TMEM222: variants seen among roughly 807,000 people sequenced by gnomAD.
The protein encoded by TMEM222 is transmembrane protein 222, also known as chromosome 1 open reading frame 160.
A neutral mutation model predicts 25.1 loss-of-function variants in TMEM222; 18 were observed. The observed-to-expected ratio is 0.72, with a 90% CI of 0.50 to 1.06. The LOEUF (loss-of-function observed/expected upper bound fraction) is 1.06. Ranked by LOEUF, TMEM222 falls within the 50% of genes least tolerant of loss-of-function variation. The pLI is 0.00. For missense variants in TMEM222, 296 were observed against 293.7 expected (o/e 1.01, Z -0.06); for synonymous variants, 131 against 117.9 (o/e 1.11, Z -0.72).
At chr1:27,334,111 C>A (rs374713027) in intron 4 of TMEM222, 40 bp from the exon 5 acceptor site, 34 of 1,613,980 alleles carry the variant, frequency 2.1e-5, no homozygotes, top group Non-Finnish European at 2.8e-5. Context: ...GGGGAGGCTC[C>A]CCTGCAGCCC....
At chr1:27,322,852 C>T (rs1241820043) in intron 1 of TMEM222, among the ~76,000 whole-genome samples, 1 of 151,952 alleles carries the variant, frequency 6.6e-6, no homozygotes, top group East Asian at 1.9e-4. Flanking sequence ...TTGGAAGGGC[C>T]CCCAGAGATC....
At chr1:27,332,242 C>T in intron 3 of TMEM222, 141 bp downstream of exon 3, 1 of 976,784 alleles carries the variant, frequency 1.0e-6, no homozygotes, top group Non-Finnish European at 1.6e-6. Flanking sequence ...CCAGGGTCCA[C>T]CAGAGCATGG....
In TMEM222 at chr1:27,334,242, C is replaced by T. The variant is rs771122398; in HGVS notation, c.500C>T (p.Thr167Met). The T allele has an allele frequency of 1.5e-5, 25 of 1,614,120 alleles. No homozygotes were observed. Among genetic ancestry groups the T allele is most frequent in the South Asian group, 4.4e-5 (4 of 91,096 alleles). ...AACAGCACCAACTGGAATATGGTGA[C>T]GCTCTGCTTCTTCTGCCTGCTCTAC... The part of the protein sequence containing the change: ...YNNSTNWNMV[T>M]LCFFCLLYGK... The change falls in exon 5 of 6, where the codon ACG becomes ATG. Residue 167 changes from threonine (T) to methionine (M), a missense_variant. Transcript: ENST00000374076.
intron 1 of TMEM222, among the ~76,000 whole-genome samples, chr1:27,329,377 C>A (rs1402555873): frequency 6.6e-6 from 1 of 152,112 alleles, no homozygotes; most frequent in Non-Finnish European, 1.5e-5. Context: ...TTGTGCCCTC[C>A]CAGTCAGTTC....
At chr1:27,334,834 T>C (rs1450247642) in intron 5 of TMEM222, 19 of 1,082,818 alleles carry the variant, frequency 1.8e-5, no homozygotes, top group Non-Finnish European at 2.2e-5. Flanking sequence ...AGAAGACTTT[T>C]AGGGATATTT....
intron 3 of TMEM222, chr1:27,332,507 T>G (rs2014505552): frequency 2.8e-6 from 2 of 718,070 alleles, no homozygotes; most frequent in South Asian, 3.0e-5. Context: ...AGGCATTGTT[T>G]GGAGCTCTGC....
rs1027270432 is a variant in TMEM222 at position 27,334,879 on chromosome 1, A to G, written c.540-500A>G. On this transcript the variant is annotated intron_variant, in intron 5 of 5. Transcript: ENST00000374076. Reference sequence around the variant, plus strand: ...GCATGGCTTTTAGAAGTCCCCTGAGAATAACTGGTCACACAGAGGTTGAAC... The same window carrying G: ...GCATGGCTTTTAGAAGTCCCCTGAGGATAACTGGTCACACAGAGGTTGAAC... 6 of 1,005,810 alleles carry G rather than the reference A, an allele frequency of 6.0e-6. No homozygotes were observed. The African/African-American group carries it at 6.8e-5, about 11-fold the overall frequency. 62.3% of individuals were successfully genotyped at this position (1,005,810 alleles called of 1,614,324 possible). A position where few individuals can be genotyped will look rare whatever the true frequency, so the allele number is the denominator to read the frequency against.
At chr1:27,325,640 C>T in intron 1 of TMEM222, 1 of 855,786 alleles carries the variant, frequency 1.2e-6, no homozygotes, top group Non-Finnish European at 2.0e-6. Flanking sequence ...CATCCAGCAC[C>T]ATGAAGATCA....
chr1:27,323,290 A>G (rs1209678463), intron 1 of TMEM222, among the ~76,000 whole-genome samples: 1 of 152,196 alleles, frequency 6.6e-6, no homozygotes, highest in Admixed American at 6.5e-5. Flanking sequence ...ACTACATCTT[A>G]TCCACTCTCA....
At chr1:27,332,035 G>T (rs1315956045) in intron 2 of TMEM222, 35 bp from the exon 3 acceptor site, 1 of 1,613,982 alleles carries the variant, frequency 6.2e-7, no homozygotes, top group Non-Finnish European at 8.5e-7. Flanking sequence ...CCAAATGTAA[G>T]TTCCTCACTG....
chr1:27,332,771 CCT>C (rs2014511369), intron 3 of TMEM222: 5 of 522,106 alleles, frequency 9.6e-6, no homozygotes, highest in South Asian at 8.7e-5. Context: ...TTCCTGCTGC[CCT>C]CTCTGGCTTC....
rs17162543 is a variant in TMEM222, at chr1:27,329,114, A to G, written c.195-1606A>G. 8.9e-3 allele frequency among the ~76,000 whole-genome samples: 1,350 copies of G among 151,872 alleles called. 23 individuals carry two copies. Among genetic ancestry groups the G allele is most frequent in the African/African-American group, 0.03 (1,252 of 41,398 alleles). ...TGGCATACACCATGCTTCTGTTCCAATTTCTACCCTTGCACATTCTGTTTC... is the reference window on the plus strand; with the variant it reads ...TGGCATACACCATGCTTCTGTTCCAGTTTCTACCCTTGCACATTCTGTTTC... On this transcript the variant is annotated intron_variant, in intron 1 of 5. Coordinates refer to ENST00000374076, the MANE Select transcript of TMEM222 (RefSeq NM_032125.3).
chr1:27,329,356 A>G lies in TMEM222; in HGVS notation c.195-1364A>G, dbSNP rs1454802030. On this transcript the variant is annotated intron_variant, in intron 1 of 5. Coordinates refer to ENST00000374076, the MANE Select transcript of TMEM222 (RefSeq NM_032125.3). ...GGGCTAGAAAGCAATGCTAAGACCCAGAGGACCCCCTTGTGCCCTCCCAGT... is the reference window on the plus strand; with the variant it reads ...GGGCTAGAAAGCAATGCTAAGACCCGGAGGACCCCCTTGTGCCCTCCCAGT... Among the ~76,000 whole-genome samples, 35 of 152,148 alleles carry G rather than the reference A, an allele frequency of 2.3e-4. 1 individual carries two copies. The highest frequency in any genetic ancestry group is 2.3e-3 in the Admixed American group (35 of 15,264).
At chr1:27,328,538 A>G (rs1442539075) in intron 1 of TMEM222, among the ~76,000 whole-genome samples, 1 of 151,944 alleles carries the variant, frequency 6.6e-6, no homozygotes, top group African/African-American at 2.4e-5. Context: ...TCAGTCGTAA[A>G]CTCTCCAGTC....
intron 3 of TMEM222, 85 bp from the exon 4 acceptor site, chr1:27,333,873 G>A (rs2014539363): frequency 4.0e-6 from 5 of 1,254,992 alleles, no homozygotes; most frequent in South Asian, 1.4e-5. Flanking sequence ...TCAGGCCCGG[G>A]CACAGGGCAG....
At chr1:27,332,416 G>A (rs1298175500) in intron 3 of TMEM222, 1 of 717,904 alleles carries the variant, frequency 1.4e-6, no homozygotes, top group East Asian at 2.7e-5. Context: ...TGGCAGAGCT[G>A]GGACCCACAC....
intron 5 of TMEM222, chr1:27,334,615 T>C: frequency 6.9e-7 from 1 of 1,440,260 alleles, no homozygotes; most frequent in Non-Finnish European, 9.2e-7. Flanking sequence ...TACGGATCCC[T>C]GTGCTCCGGT....
At chr1:27,332,448 C>A (rs941329056) in intron 3 of TMEM222, 10 of 718,046 alleles carry the variant, frequency 1.4e-5, no homozygotes, top group Non-Finnish European at 2.3e-5. Context: ...TCCCTCTAGA[C>A]TCACTCTCCT....
chr1:27,328,576 G>A (rs1248080485), intron 1 of TMEM222, among the ~76,000 whole-genome samples: 2 of 152,278 alleles, frequency 1.3e-5, no homozygotes, highest in Non-Finnish European at 2.9e-5. Flanking sequence ...TTGAATCCAT[G>A]TGTTTCTCAC....
Sources: gnomAD v4.1 joint callset for allele counts (sites outside exome capture counted in the v4.1 genomes callset) on GRCh38, gnomAD v4.1.1 for gene constraint, MANE v1.5 for transcripts, NCBI Gene and HGNC (gene_info 2026-07-23, HGNC 2026-07-21) for gene names.